The following PECR variants were observed in gnomAD, a reference collection of about 807,000 sequenced individuals.
PECR encodes the protein peroxisomal trans-2-enoyl-CoA reductase.
Under a neutral mutation model 35.3 loss-of-function variants are expected in PECR, and 30 were observed. The observed-to-expected ratio is 0.85, with a 90% CI of 0.64 to 1.15. The LOEUF is 1.15. PECR is among the 50% of genes most tolerant of loss of function. The pLI is 0.00. For synonymous variants in PECR, 148 were observed against 138.9 expected (o/e 1.07, Z -0.46); for missense variants, 392 against 370.8 (o/e 1.06, Z -0.47).
downstream of PECR, among the ~76,000 whole-genome samples, chr2:216,037,941 C>T (rs1173196405): frequency 9.2e-5 from 14 of 151,916 alleles, no homozygotes; most frequent in South Asian, 4.1e-4. Flanking sequence ...AAAAATTGGC[C>T]GGGCGTGGTG....
chr2:216,050,078 T>C (rs1574683784), intron 5 of PECR, among the ~76,000 whole-genome samples: 1 of 152,106 alleles, frequency 6.6e-6, no homozygotes, highest in Non-Finnish European at 1.5e-5. Context: ...AAGAATTAGC[T>C]GGGCATGGTG....
chr2:216,055,474 C>A (rs554942599), intron 4 of PECR, among the ~76,000 whole-genome samples: 144 of 148,482 alleles, frequency 9.7e-4, no homozygotes, highest in African/African-American at 3.5e-3. Flanking sequence ...AACAAACAAA[C>A]AAAAAAAAAC....
chr2:216,076,188 A>AT (rs1559220178), intron 1 of PECR, among the ~76,000 whole-genome samples: 1 of 152,104 alleles, frequency 6.6e-6, no homozygotes, highest in African/African-American at 2.4e-5. Flanking sequence ...ATGTTAGCCA[A>AT]TTTTTTTCTT....
At chr2:216,064,972 G>A (rs921571718) in intron 3 of PECR, among the ~76,000 whole-genome samples, 1 of 152,056 alleles carries the variant, frequency 6.6e-6, no homozygotes, top group Non-Finnish European at 1.5e-5. Flanking sequence ...TTTATTAATT[G>A]GTTCTGCTAA....
intron 1 of PECR, among the ~76,000 whole-genome samples, chr2:216,074,534 AAGGAAGAAAGG>A (rs1180218334): frequency 4.9e-4 from 65 of 133,668 alleles, no homozygotes; most frequent in Non-Finnish European, 7.1e-4. Context: ...GGAAGGAAGG[AAGGAAGAAAGG>A]AAGGAAGGAA....
chr2:216,051,554 G>A lies in PECR; in HGVS notation c.507-9C>T. The stretch of plus-strand genomic sequence containing the variant: ...TTGCAGCTCCAGAATGCCTTTGAAA[G>A]ACAAAACATAAACATGACAATCAGC... On this transcript the variant is annotated splice_polypyrimidine_tract_variant and intron_variant, in intron 4 of 7. Coordinates refer to ENST00000265322, the MANE Select transcript of PECR (RefSeq NM_018441.6). 6.5e-7 allele frequency: 1 copy of A among 1,535,428 alleles called. No individual in the cohort carries two copies. Among genetic ancestry groups the A allele is most frequent in the Non-Finnish European group, 9.0e-7 (1 of 1,108,108 alleles).
At chr2:216,066,666 T>C (rs1695472472) in intron 1 of PECR, 148 bp from the exon 2 acceptor site, 1 of 750,456 alleles carries the variant, frequency 1.3e-6, no homozygotes, top group Non-Finnish European at 2.3e-6. Flanking sequence ...TGAAAAAATA[T>C]ATCATGTGTT....
Position 216,059,590 on chromosome 2 carries a change from C to A in PECR, c.425-614G>T, listed in dbSNP as rs180987368. On this transcript the variant is annotated intron_variant, in intron 3 of 7. Coordinates refer to ENST00000265322, the MANE Select transcript of PECR (RefSeq NM_018441.6). ...CTCTGTTTAGCTTTTAAAGAAACTGCCAAATGGTTTTCCAAAGTGTCCCTC... is the reference window on the plus strand; with the variant it reads ...CTCTGTTTAGCTTTTAAAGAAACTGACAAATGGTTTTCCAAAGTGTCCCTC... Among the ~76,000 whole-genome samples the A allele has an allele frequency of 4.8e-4, 73 of 152,180 alleles. 1 individual carries two copies. Among genetic ancestry groups the A allele is most frequent in the African/African-American group, 1.7e-3 (69 of 41,448 alleles).
chr2:216,061,274 T>TGCACTCCA (rs376001755), intron 3 of PECR, among the ~76,000 whole-genome samples: 1 of 116,092 alleles, frequency 8.6e-6, no homozygotes, highest in African/African-American at 3.4e-5. Flanking sequence ...ATCACATCAC[T>TGCACTCCA]GCACTCCAAC....
At chr2:216,036,379 G>A (rs932608931), downstream of PECR, among the ~76,000 whole-genome samples, 88 of 152,242 alleles carry the variant, frequency 5.8e-4, no homozygotes, top group African/African-American at 2.1e-3. Context: ...GATTTAAGGA[G>A]AATAGCAGCA....
At chr2:216,040,351 T>A (rs1010174871) in intron 7 of PECR, among the ~76,000 whole-genome samples, 3 of 152,166 alleles carry the variant, frequency 2.0e-5, no homozygotes, top group South Asian at 2.1e-4. Context: ...CAACCTCGAC[T>A]TCCCGGGCTC....
intron 1 of PECR, among the ~76,000 whole-genome samples, chr2:216,073,633 G>C (rs1695628089): frequency 6.6e-6 from 1 of 151,004 alleles, no homozygotes; most frequent in South Asian, 2.1e-4. Context: ...TATATCTTTT[G>C]TATGTTTTTA....
At chr2:216,081,519 C>T (rs1695849643) in intron 1 of PECR, 99 bp downstream of exon 1, 2 of 1,479,842 alleles carry the variant, frequency 1.4e-6, no homozygotes, top group Non-Finnish European at 1.9e-6. Context: ...CTCTGCAGCT[C>T]CACACTCCCT....
At chr2:216,063,850 T>A (rs1452747137) in intron 3 of PECR, 1 of 152,142 alleles carries the variant, frequency 6.6e-6, no homozygotes, top group East Asian at 1.9e-4. Context: ...CCCAAGTAGC[T>A]GGGACTACAG....
At chr2:216,042,193 G>C (rs184901368) in intron 7 of PECR, among the ~76,000 whole-genome samples, 1 of 152,352 alleles carries the variant, frequency 6.6e-6, no homozygotes, top group East Asian at 1.9e-4. Flanking sequence ...AACTGAATGA[G>C]AGGACGCCCA....
intron 3 of PECR, 150 bp from the exon 4 acceptor site, chr2:216,059,126 C>T (rs1257385672): frequency 1.5e-6 from 1 of 672,878 alleles, no homozygotes; most frequent in East Asian, 2.7e-5. Context: ...ATTTATACAT[C>T]ATAAAATTCA....
At chr2:216,067,944 C>A (rs939693574) in intron 1 of PECR, among the ~76,000 whole-genome samples, 1 of 151,658 alleles carries the variant, frequency 6.6e-6, no homozygotes, top group African/African-American at 2.4e-5. Flanking sequence ...AAAAACAGAC[C>A]CAGGCCGGAC....
chr2:216,071,620 T>C (rs1462658742), intron 1 of PECR, among the ~76,000 whole-genome samples: 3 of 152,138 alleles, frequency 2.0e-5, no homozygotes, highest in African/African-American at 4.8e-5. Context: ...AGTTGTGCAA[T>C]ATATTCTCCT....
intron 4 of PECR, among the ~76,000 whole-genome samples, chr2:216,053,386 GGCACCCGCCACCGT>G (rs1164202569): frequency 2.0e-5 from 3 of 152,056 alleles, no homozygotes; most frequent in Non-Finnish European, 4.4e-5. Flanking sequence ...TGGGACTACA[GGCACCCGCCACCGT>G]GCCCAGCTAG....
Sources: gnomAD v4.1 joint callset for allele counts (sites outside exome capture counted in the v4.1 genomes callset) on GRCh38, gnomAD v4.1.1 for gene constraint, MANE v1.5 for transcripts, NCBI Gene and HGNC (gene_info 2026-07-23, HGNC 2026-07-21) for gene names.